The following PIP4P2 variants were observed in gnomAD, a reference collection of about 807,000 sequenced individuals.
PIP4P2 encodes type 2 phosphatidylinositol 4,5-bisphosphate 4-phosphatase.
A neutral mutation model predicts 33.3 loss-of-function variants in PIP4P2; 19 were observed. The observed-to-expected ratio is 0.57, with a 90% CI of 0.40 to 0.84. The LOEUF is 0.84. Among genes scored for constraint, PIP4P2 ranks in the 40% least tolerant of loss-of-function variants. The pLI is 0.00. For missense variants in PIP4P2, 270 were observed against 324.7 expected, an observed-to-expected ratio of 0.83 and a Z score of 1.29; for synonymous variants, 110 against 111.9, an observed-to-expected ratio of 0.98 and a Z score of 0.11.
chr8:91,018,260 T>TA lies in PIP4P2; in HGVS notation c.486+129dup, dbSNP rs1811947704. On this transcript the variant is annotated intron_variant, in intron 4 of 6. Transcript: ENST00000285419. Reference sequence around the variant, plus strand: ...CTAGTTGCACTTCTGATTGTCTGCCTAAATAAGTCTCTATTTTAATATTTT... The same window carrying TA: ...CTAGTTGCACTTCTGATTGTCTGCCTAAAATAAGTCTCTATTTTAATATTTT... 2.8e-6 allele frequency: 4 copies of TA among 1,418,062 alleles called. No homozygotes were observed. In the African/African-American group the frequency reaches 4.3e-5, roughly 15 times the overall value. 87.8% of individuals were successfully genotyped at this position (1,418,062 alleles called of 1,614,324 possible). A position where few individuals can be genotyped will look rare whatever the true frequency, so the allele number is the denominator to read the frequency against.
At chr8:91,028,422 G>A (rs1027438675) in intron 1 of PIP4P2, among the ~76,000 whole-genome samples, 1 of 152,170 alleles carries the variant, frequency 6.6e-6, no homozygotes, top group African/African-American at 2.4e-5. Flanking sequence ...ATACCCAGAT[G>A]GTTCAGGAAT....
intron 5 of PIP4P2, among the ~76,000 whole-genome samples, chr8:91,002,482 C>CACTGTATAAATTTA (rs2059180369): frequency 1.3e-5 from 2 of 152,078 alleles, no homozygotes; most frequent in Non-Finnish European, 2.9e-5. Flanking sequence ...GTAGCTAGTG[C>CACTGTATAAATTTA]TACAGGAATT....
intron 5 of PIP4P2, among the ~76,000 whole-genome samples, chr8:91,007,727 A>G (rs1811781201): frequency 1.3e-5 from 2 of 152,202 alleles, no homozygotes; most frequent in Non-Finnish European, 1.5e-5. Flanking sequence ...TGGCATCTAG[A>G]AATTTAGATT....
intron 4 of PIP4P2, 136 bp from the exon 5 acceptor site, chr8:91,008,931 T>TTCCCTCCAATACTTCTC: frequency 3.4e-6 from 2 of 590,512 alleles, no homozygotes; most frequent in East Asian, 5.6e-5. Context: ...ACATGAGTTT[T>TTCCCTCCAATACTTCTC]TCCCTCCAAT....
chr8:91,040,231 G>T (rs746222394), intron 1 of PIP4P2, among the ~76,000 whole-genome samples: 1 of 152,168 alleles, frequency 6.6e-6, no homozygotes, highest in South Asian at 2.1e-4. Context: ...AATACTCCTG[G>T]TTTCTCAGCA....
At chr8:91,032,622 A>C (rs746508071) in intron 1 of PIP4P2, among the ~76,000 whole-genome samples, 9 of 151,908 alleles carry the variant, frequency 5.9e-5, no homozygotes, top group Middle Eastern at 3.2e-3. Context: ...CTCTCCTAAA[A>C]ATACAAAAAT....
chr8:91,019,556 C>T (rs978739636), intron 3 of PIP4P2, among the ~76,000 whole-genome samples: 1 of 149,246 alleles, frequency 6.7e-6, no homozygotes, highest in African/African-American at 2.5e-5. Context: ...CCCGTTGAGA[C>T]TCTGTCTCAA....
rs1812297022 is a variant in PIP4P2 at position 91,040,815 on chromosome 8, A to ACTGCTGCTGCCTCTGCTGCCGCTG, written c.-90_-67dup. 6.2e-6 allele frequency: 9 copies of ACTGCTGCTGCCTCTGCTGCCGCTG among 1,441,472 alleles called. No individual in the cohort carries two copies. In the East Asian group the frequency reaches 7.2e-5, roughly 11 times the overall value. The allele number at this position is 1,441,472 out of a possible 1,614,324, so 89.3% of individuals were successfully genotyped here. On this transcript the variant is annotated 5_prime_UTR_variant, in exon 1 of 7. Transcript: ENST00000285419. The stretch of plus-strand genomic sequence containing the variant: ...TTGCGGCCTCGGCGGAGTGGTGGCT[A>ACTGCTGCTGCCTCTGCTGCCGCTG]CTGCTGCTGCCTCTGCTGCCGCTGC...
At chr8:91,030,827 A>C (rs964016716) in intron 1 of PIP4P2, among the ~76,000 whole-genome samples, 4 of 152,190 alleles carry the variant, frequency 2.6e-5, no homozygotes, top group Admixed American at 2.6e-4. Context: ...GTATCTTTCC[A>C]TAACTGTATA....
rs1164493812 is a variant in PIP4P2 at position 90,996,678 on chromosome 8, A to AACC, written c.605_606insGGT (p.Cys202delinsTrpVal). The AACC allele has an allele frequency of 6.2e-7, 1 of 1,609,614 alleles. No homozygotes were observed. Among genetic ancestry groups the AACC allele is most frequent in the Non-Finnish European group, 8.5e-7 (1 of 1,177,810 alleles). ...CAGTTAACCCAACTCCAATGAAAAT[A>AACC]CATATCATTCCAATGGTAATATATG... is the stretch of plus-strand genomic sequence containing the variant. On this transcript the variant is annotated protein_altering_variant, in exon 6 of 7. Coordinates refer to ENST00000285419, the MANE Select transcript of PIP4P2 (RefSeq NM_018710.3).
intron 1 of PIP4P2, among the ~76,000 whole-genome samples, chr8:91,037,983 G>A (rs1010525816): frequency 1.3e-5 from 2 of 151,974 alleles, no homozygotes; most frequent in Non-Finnish European, 2.9e-5. Flanking sequence ...AACAAAAACT[G>A]GCAAGTATAT....
intron 1 of PIP4P2, among the ~76,000 whole-genome samples, chr8:91,034,168 T>C (rs528079394): frequency 1.3e-5 from 2 of 152,294 alleles, no homozygotes; most frequent in African/African-American, 2.4e-5. Context: ...TCTGAAATTA[T>C]AACGCTTACT....
At chr8:91,021,001 C>T (rs539372944) in intron 2 of PIP4P2, among the ~76,000 whole-genome samples, 2 of 152,174 alleles carry the variant, frequency 1.3e-5, no homozygotes, top group Admixed American at 1.3e-4. Context: ...CTGCCATGCT[C>T]AGTCTAGTTT....
chr8:91,007,269 A>G (rs1290904417), intron 5 of PIP4P2, among the ~76,000 whole-genome samples: 1 of 152,226 alleles, frequency 6.6e-6, no homozygotes, highest in African/African-American at 2.4e-5. Context: ...ACAAATAAAA[A>G]AGAAACTATT....
At chr8:91,039,007 G>A (rs1169821606) in intron 1 of PIP4P2, among the ~76,000 whole-genome samples, 1 of 152,090 alleles carries the variant, frequency 6.6e-6, no homozygotes, top group Admixed American at 6.5e-5. Flanking sequence ...AAATAATAAA[G>A]ATGTCTATAA....
intron 1 of PIP4P2, among the ~76,000 whole-genome samples, chr8:91,031,755 T>A (rs565131862): frequency 2.6e-5 from 4 of 152,312 alleles, no homozygotes; most frequent in South Asian, 2.1e-4. Context: ...TCTTTCTCAT[T>A]TCTAAAAGCA....
intron 5 of PIP4P2, among the ~76,000 whole-genome samples, chr8:91,005,735 G>A (rs1811754650): frequency 6.6e-6 from 1 of 152,176 alleles, no homozygotes; most frequent in Non-Finnish European, 1.5e-5. Flanking sequence ...ATTCACAAAA[G>A]TACATCAGTG....
chr8:91,009,914 A>G (rs1811809667), intron 4 of PIP4P2, among the ~76,000 whole-genome samples: 1 of 151,884 alleles, frequency 6.6e-6, no homozygotes, highest in African/African-American at 2.4e-5. Context: ...CCCAAGATAA[A>G]TAAAAGAGAA....
At chr8:91,024,556 TG>T (rs2130373411) in intron 1 of PIP4P2, among the ~76,000 whole-genome samples, 1 of 152,244 alleles carries the variant, frequency 6.6e-6, no homozygotes, top group East Asian at 1.9e-4. Context: ...CCTCGGTAGC[TG>T]GGAATACAGG....
Sources: gnomAD v4.1 joint callset for allele counts (sites outside exome capture counted in the v4.1 genomes callset) on GRCh38, gnomAD v4.1.1 for gene constraint, MANE v1.5 for transcripts, NCBI Gene and HGNC (gene_info 2026-07-23, HGNC 2026-07-21) for gene names.